CACHD1: variants seen among roughly 807,000 people sequenced by gnomAD.
The protein encoded by CACHD1 is VWFA and cache domain-containing protein 1.
A neutral mutation model predicts 138.7 loss-of-function variants in CACHD1; 71 were observed. The observed-to-expected ratio is 0.51, with a 90% CI of 0.42 to 0.62. The LOEUF is 0.62. CACHD1 is among the 20% of genes least tolerant of loss of function. The probability of loss-of-function intolerance (pLI) is 0.00; values close to 1 mark genes in which losing one functional copy is unlikely to be tolerated. For synonymous variants in CACHD1, 578 were observed against 591.5 expected (o/e 0.98, Z 0.33); for missense variants, 1,389 against 1,625.3 (o/e 0.85, Z 2.50).
chr1:64,485,345 C>T (rs576545658), intron 1 of CACHD1, among the ~76,000 whole-genome samples: 1 of 152,242 alleles, frequency 6.6e-6, no homozygotes, highest in Non-Finnish European at 1.5e-5. Context: ...TGGAAACCAT[C>T]GATATATTCT....
At chr1:64,640,850 C>G (rs972823100) in intron 7 of CACHD1, among the ~76,000 whole-genome samples, 58 of 151,456 alleles carry the variant, frequency 3.8e-4, no homozygotes, top group African/African-American at 1.3e-3. Context: ...GTCATTTAGC[C>G]TCTGCTTATT....
chr1:64,587,110 T>C (rs1436967224), intron 3 of CACHD1, among the ~76,000 whole-genome samples: 2 of 152,208 alleles, frequency 1.3e-5, no homozygotes, highest in Non-Finnish European at 2.9e-5. Flanking sequence ...TTTTTTAAAC[T>C]CAGCACTGAC....
chr1:64,627,385 C>A (rs1024361507), intron 4 of CACHD1, among the ~76,000 whole-genome samples: 1 of 151,966 alleles, frequency 6.6e-6, no homozygotes, highest in Non-Finnish European at 1.5e-5. Context: ...CCCACCTGGG[C>A]GACAGAGTGA....
At chr1:64,550,337 A>G (rs1345035060) in intron 1 of CACHD1, among the ~76,000 whole-genome samples, 1 of 152,212 alleles carries the variant, frequency 6.6e-6, no homozygotes, top group African/African-American at 2.4e-5. Flanking sequence ...CCAGAAATCT[A>G]TAATTAAATG....
chr1:64,555,082 G>C lies in CACHD1; in HGVS notation c.261+4426G>C, dbSNP rs117440047. Among the ~76,000 whole-genome samples the C allele has an allele frequency of 2.0e-4, 30 of 152,106 alleles. No homozygotes were observed. The East Asian group carries it at 5.8e-3, about 29-fold the overall frequency. The stretch of plus-strand genomic sequence containing the variant: ...CAGCTCACTACAGCCTCCACCTTTG[G>C]GGCTCAAGCATTCCTCCCGCTTCAG... On this transcript the variant is annotated intron_variant, in intron 2 of 26. Coordinates refer to ENST00000651257, the MANE Select transcript of CACHD1 (RefSeq NM_020925.4).
At chr1:64,664,452 A>T (rs777574935) in intron 14 of CACHD1, 46 bp from the exon 15 acceptor site, 1 of 1,577,664 alleles carries the variant, frequency 6.3e-7, no homozygotes, top group Non-Finnish European at 8.7e-7. Flanking sequence ...CTCTCTTTTC[A>T]TGTGAGTTTT....
At chr1:64,477,611 TA>T (rs1557455002) in intron 1 of CACHD1, among the ~76,000 whole-genome samples, 8 of 143,568 alleles carry the variant, frequency 5.6e-5, no homozygotes, top group African/African-American at 1.3e-4. Context: ...TTATTATTAT[TA>T]TTATTATTAT....
chr1:64,581,544 A>T (rs1450795882), intron 2 of CACHD1, among the ~76,000 whole-genome samples: 1 of 152,228 alleles, frequency 6.6e-6, no homozygotes, highest in Admixed American at 6.5e-5. Flanking sequence ...CAGTTAAGAA[A>T]GACATTTGTT....
chr1:64,636,091 C>T (rs1406424406), intron 7 of CACHD1, among the ~76,000 whole-genome samples: 6 of 146,600 alleles, frequency 4.1e-5, no homozygotes, highest in Non-Finnish European at 6.0e-5. Context: ...AGCCTGGTGA[C>T]GGAGCGAGAC....
chr1:64,519,262 GA>G (rs1481411077), intron 1 of CACHD1, among the ~76,000 whole-genome samples: 1 of 152,178 alleles, frequency 6.6e-6, no homozygotes, highest in Non-Finnish European at 1.5e-5. Context: ...GGAAATGTGG[GA>G]AAATTCCAGA....
intron 17 of CACHD1, among the ~76,000 whole-genome samples, chr1:64,672,359 A>G (rs1343816462): frequency 6.6e-6 from 1 of 152,168 alleles, no homozygotes; most frequent in East Asian, 1.9e-4. Flanking sequence ...TATTGTTTCT[A>G]TCAAATATAG....
intron 2 of CACHD1, among the ~76,000 whole-genome samples, chr1:64,559,188 A>T (rs1185928530): frequency 1.3e-5 from 2 of 152,208 alleles, no homozygotes; most frequent in Non-Finnish European, 2.9e-5. Flanking sequence ...CTAAAGACAC[A>T]TGTGTGCGAA....
At chr1:64,636,177 T>G (rs938626490) in intron 7 of CACHD1, among the ~76,000 whole-genome samples, 1 of 152,230 alleles carries the variant, frequency 6.6e-6, no homozygotes, top group South Asian at 2.1e-4. Flanking sequence ...CCTATTGAGA[T>G]AAATTTAAAG....
At chr1:64,566,041 A>G (rs1409038509) in intron 2 of CACHD1, among the ~76,000 whole-genome samples, 1 of 152,210 alleles carries the variant, frequency 6.6e-6, no homozygotes, top group African/African-American at 2.4e-5. Flanking sequence ...CTTGGCTGAA[A>G]TGATACCTCT....
At chr1:64,560,379 C>G (rs922572907) in intron 2 of CACHD1, among the ~76,000 whole-genome samples, 5 of 151,700 alleles carry the variant, frequency 3.3e-5, no homozygotes, top group Non-Finnish European at 5.9e-5. Flanking sequence ...CTTTATATAC[C>G]TCAAAGTTTG....
At chr1:64,678,812 G>C (rs140588350) in intron 23 of CACHD1, among the ~76,000 whole-genome samples, 1 of 152,148 alleles carries the variant, frequency 6.6e-6, no homozygotes, top group Non-Finnish European at 1.5e-5. Flanking sequence ...ACACCACAGG[G>C]TGGACAGCCC....
intron 2 of CACHD1, among the ~76,000 whole-genome samples, chr1:64,564,048 A>G (rs1207996906): frequency 6.6e-6 from 1 of 152,216 alleles, no homozygotes. Flanking sequence ...CTTTGAACTG[A>G]GGGTACTTGG....
At chr1:64,661,628 AC>A (rs1296844449) in intron 13 of CACHD1, among the ~76,000 whole-genome samples, 1 of 151,824 alleles carries the variant, frequency 6.6e-6, no homozygotes, top group Non-Finnish European at 1.5e-5. Flanking sequence ...TCAGATCCTA[AC>A]TTCTTTGAGT....
At chr1:64,595,611 T>C (rs888305495) in intron 3 of CACHD1, among the ~76,000 whole-genome samples, 1 of 152,118 alleles carries the variant, frequency 6.6e-6, no homozygotes, top group African/African-American at 2.4e-5. Flanking sequence ...TCCAACCTGG[T>C]GATGAGGAAG....
Sources: allele counts gnomAD v4.1 joint callset (sites outside exome capture counted in the v4.1 genomes callset), GRCh38; gene constraint gnomAD v4.1.1; transcripts MANE v1.5; gene names NCBI Gene and HGNC (gene_info 2026-07-23, HGNC 2026-07-21).